Variants in ENOX1 observed in about 807,000 individuals in gnomAD.
The protein encoded by ENOX1 is candidate growth-related and time keeping constitutive hydroquinone (NADH) oxidase.
ENOX1 carries 42 observed loss-of-function variants against 82.5 expected under a neutral mutation model. The ratio of observed to expected loss-of-function variants is 0.51; its 90% confidence interval spans 0.40 to 0.66. The LOEUF is 0.66. Among genes scored for constraint, ENOX1 ranks in the 30% least tolerant of loss-of-function variants. The pLI is 0.00. For synonymous variants in ENOX1, 271 were observed against 282.2 expected, an observed-to-expected ratio of 0.96 and a Z score of 0.40; for missense variants, 608 against 811.6, an observed-to-expected ratio of 0.75 and a Z score of 3.05.
At chr13:43,635,024 G>A (rs76736049) in intron 2 of ENOX1, among the ~76,000 whole-genome samples, 5,202 of 152,234 alleles carry the variant, frequency 0.034, 283 homozygotes, top group African/African-American at 0.12. Flanking sequence ...CAGGGAACAG[G>A]GGAACGTTTC....
intron 2 of ENOX1, among the ~76,000 whole-genome samples, chr13:43,518,236 C>T (rs951533216): frequency 2.0e-5 from 3 of 152,024 alleles, no homozygotes; most frequent in Non-Finnish European, 4.4e-5. Flanking sequence ...AGTTCATTCT[C>T]AGGAAGTGTG....
intron 12 of ENOX1, among the ~76,000 whole-genome samples, chr13:43,279,294 G>T (rs553425702): frequency 5.3e-5 from 8 of 152,198 alleles, no homozygotes; most frequent in Non-Finnish European, 7.3e-5. Context: ...AAATGAAGCT[G>T]CATGTCGGCA....
rs551936052 is a variant in ENOX1, at chr13:43,770,600, G to A, written c.-285+16052C>T. 6.6e-5 allele frequency among the ~76,000 whole-genome samples: 10 copies of A among 151,594 alleles called. 1 individual carries two copies. The South Asian group carries it at 1.5e-3, about 22-fold the overall frequency. On this transcript the variant is annotated intron_variant, in intron 1 of 16. Coordinates refer to ENST00000690772, the MANE Select transcript of ENOX1 (RefSeq NM_001347969.2). Reference sequence around the variant, plus strand: ...AGAGGCCCATTACATGTTATTATGAGTTATTATGAAAAAATGGATTATATA... The same window carrying A: ...AGAGGCCCATTACATGTTATTATGAATTATTATGAAAAAATGGATTATATA...
intron 3 of ENOX1, among the ~76,000 whole-genome samples, chr13:43,438,541 T>C (rs2056169133): frequency 6.6e-6 from 1 of 152,152 alleles, no homozygotes; most frequent in Non-Finnish European, 1.5e-5. Flanking sequence ...ACTTAAAGGA[T>C]TAGTTTAGTT....
At chr13:43,457,484 G>T (rs1478211751) in intron 3 of ENOX1, among the ~76,000 whole-genome samples, 1 of 152,074 alleles carries the variant, frequency 6.6e-6, no homozygotes, top group East Asian at 1.9e-4. Flanking sequence ...AAGAAGGAAG[G>T]AAGACTATAA....
At chr13:43,646,717 C>G (rs1428422078) in intron 2 of ENOX1, among the ~76,000 whole-genome samples, 4 of 152,182 alleles carry the variant, frequency 2.6e-5, no homozygotes, top group Non-Finnish European at 5.9e-5. Flanking sequence ...CAATCATGCT[C>G]TCCAGTTTAC....
intron 1 of ENOX1, among the ~76,000 whole-genome samples, chr13:43,739,653 A>G (rs183866896): frequency 2.8e-4 from 43 of 152,014 alleles, no homozygotes; most frequent in Admixed American, 1.9e-3. Flanking sequence ...GAAAAATAAC[A>G]TAAGAAAAGA....
At chr13:43,695,607 C>G (rs11147923) in intron 1 of ENOX1, among the ~76,000 whole-genome samples, 13,207 of 151,962 alleles carry the variant, frequency 0.087, 913 homozygotes, top group East Asian at 0.26. Context: ...ACCACCGTGC[C>G]CAGCTAATTT....
rs918989661 is a variant in ENOX1, at chr13:43,282,956, C to T, written c.1447-13379G>A. ...AAAAATACAAAATTAGCTGGGCATG[C>T]ACCTGTAGTCCCAGCTGCTCGGGAG... On this transcript the variant is annotated intron_variant, in intron 12 of 16. Transcript: ENST00000690772. Among the ~76,000 whole-genome samples the T allele has an allele frequency of 1.7e-4, 26 of 151,844 alleles. 1 individual carries two copies. Among genetic ancestry groups the T allele is most frequent in the Non-Finnish European group, 3.7e-4 (25 of 67,936 alleles).
At chr13:43,474,857 T>C (rs9645988) in intron 3 of ENOX1, among the ~76,000 whole-genome samples, 19,331 of 152,078 alleles carry the variant, frequency 0.13, 1,826 homozygotes, top group East Asian at 0.49. Flanking sequence ...GCAGGTCTAT[T>C]ACTAGACATG....
At chr13:43,394,057 A>G (rs982095177) in intron 5 of ENOX1, among the ~76,000 whole-genome samples, 1 of 152,204 alleles carries the variant, frequency 6.6e-6, no homozygotes, top group African/African-American at 2.4e-5. Context: ...AGACCTCATC[A>G]CAAGCCTAGA....
chr13:43,702,840 C>G (rs1446235249), intron 1 of ENOX1, among the ~76,000 whole-genome samples: 3 of 150,722 alleles, frequency 2.0e-5, no homozygotes, highest in Non-Finnish European at 4.4e-5. Context: ...GTAATCCCAG[C>G]TACTCGGGAG....
intron 3 of ENOX1, among the ~76,000 whole-genome samples, chr13:43,435,925 A>G (rs1295690371): frequency 2.2e-5 from 3 of 134,196 alleles, no homozygotes; most frequent in Non-Finnish European, 3.4e-5. Context: ...TGAGTCTCAA[A>G]GGATTAAAAA....
At chr13:43,286,414 T>C (rs2045704358) in intron 12 of ENOX1, among the ~76,000 whole-genome samples, 1 of 152,192 alleles carries the variant, frequency 6.6e-6, no homozygotes. Context: ...ATTTAAAGAC[T>C]GCCAGGAACA....
At chr13:43,729,448 C>CA (rs148964730) in intron 1 of ENOX1, among the ~76,000 whole-genome samples, 14 of 151,496 alleles carry the variant, frequency 9.2e-5, no homozygotes, top group African/African-American at 1.7e-4. Context: ...ATACGACAGA[C>CA]AAAAAAAATG....
chr13:43,346,939 C>A (rs1195876374), intron 8 of ENOX1, among the ~76,000 whole-genome samples: 1 of 152,084 alleles, frequency 6.6e-6, no homozygotes, highest in African/African-American at 2.4e-5. Flanking sequence ...CTATTTTTCC[C>A]CTTTGCTGTG....
At chr13:43,739,427 T>C (rs1204376974) in intron 1 of ENOX1, among the ~76,000 whole-genome samples, 1 of 151,988 alleles carries the variant, frequency 6.6e-6, no homozygotes, top group Non-Finnish European at 1.5e-5. Flanking sequence ...CATGCGCCTG[T>C]AGTCCCAGCT....
At chr13:43,220,114 A>T (rs2041709862) in intron 16 of ENOX1, among the ~76,000 whole-genome samples, 1 of 152,196 alleles carries the variant, frequency 6.6e-6, no homozygotes, top group African/African-American at 2.4e-5. Context: ...AAGAGGAAAG[A>T]AGACAAGAAG....
chr13:43,563,199 A>C (rs1593835658), intron 2 of ENOX1, among the ~76,000 whole-genome samples: 2 of 152,330 alleles, frequency 1.3e-5, no homozygotes, highest in East Asian at 3.9e-4. Flanking sequence ...TTATCTGACC[A>C]CAGTGGAACA....
Sources: allele counts gnomAD v4.1 joint callset (sites outside exome capture counted in the v4.1 genomes callset), GRCh38; gene constraint gnomAD v4.1.1; transcripts MANE v1.5; gene names NCBI Gene and HGNC (gene_info 2026-07-23, HGNC 2026-07-21).